The following TONSL variants were observed in gnomAD, a reference collection of about 807,000 sequenced individuals.
TONSL encodes tonsoku-like protein.
In TONSL, 112 loss-of-function variants were observed where a neutral mutation model predicts 147.1. That is an observed-to-expected ratio of 0.76 (90% confidence interval 0.65 to 0.89). The LOEUF is 0.89. TONSL is among the 40% of genes least tolerant of loss of function. The pLI is 0.00. For missense variants in TONSL, 1,883 were observed against 1,864.6 expected (o/e 1.01, Z -0.18); for synonymous variants, 868 against 801.5 (o/e 1.08, Z -1.40).
rs2130848959 is a variant in TONSL, at chr8:144,435,932, TC to T, written c.2500del (p.Asp834ThrfsTer9). 1.3e-6 allele frequency: 2 copies of T among 1,574,022 alleles called. No homozygotes were observed. On this transcript the variant is annotated frameshift_variant, in exon 17 of 26. Coordinates refer to ENST00000409379, the MANE Select transcript of TONSL (RefSeq NM_013432.5). LOFTEE classifies it high-confidence loss of function. ...LIPEEECLAG[D>X]WLELDMPLTR... ...CAGGGGCATGTCCAGCTCCAGCCAG[TC>T]CCCGGCCAGGCACTCCTCCTCCGGG...
chr8:144,438,444 T>C, intron 13 of TONSL, 27 bp downstream of exon 13: 1 of 1,607,470 alleles, frequency 6.2e-7, no homozygotes, highest in East Asian at 2.2e-5. Flanking sequence ...CTAGGCAGCC[T>C]GTCCCACGTC....
At chr8:144,437,655 G>A (rs143982483) in intron 13 of TONSL, 2,709 of 156,168 alleles carry the variant, frequency 0.017, 82 homozygotes, top group African/African-American at 0.061. Context: ...CCAGGCTGGA[G>A]TGCAGCGGCG....
rs912569843 is a variant in TONSL, at chr8:144,441,173, C to T, written c.866-62G>A. The T allele has an allele frequency of 3.1e-6, 5 of 1,588,710 alleles. No homozygotes were observed. In the African/African-American group the frequency reaches 5.4e-5, roughly 17 times the overall value. ...GGGGCCCTGACCCCAGCTCTACCAC[C>T]TGCAAGCTGTGAGCCCTGTGGTGGC... On this transcript the variant is annotated intron_variant, in intron 7 of 25. Transcript: ENST00000409379.
chr8:144,436,214 C>G lies in TONSL; in HGVS notation c.2219G>C (p.Ser740Thr). ...PRRSRHGPAS[S>T]SSSSEGEDSA... is the part of the protein sequence containing the mutation. ...GTCCTCGCCTTCTGAGCTGCTGCTG[C>G]TGCTGGCTGGCCCATGCCTGCTCCT... Residue 740 changes from serine to threonine, a missense_variant, in exon 17 of 26, where the codon AGC becomes ACC. Transcript: ENST00000409379. 1 of 1,565,924 alleles carries G rather than the reference C, an allele frequency of 6.4e-7. No individual in the cohort carries two copies. The highest frequency in any genetic ancestry group is 8.6e-7 in the Non-Finnish European group (1 of 1,158,974).
At position 144,440,405 on chromosome 8, in the gene TONSL, CG is replaced by C; in HGVS notation, c.1235del (p.Pro412ArgfsTer31). 1 of 1,608,014 alleles carries C rather than the reference CG, an allele frequency of 6.2e-7. No homozygotes were observed. On this transcript the variant is annotated frameshift_variant, in exon 10 of 26. Coordinates refer to ENST00000409379, the MANE Select transcript of TONSL (RefSeq NM_013432.5). LOFTEE classifies it high-confidence loss of function. ...EAGDAYELLA[P>X]CFQKALSCAQ... The stretch of plus-strand genomic sequence containing the variant: ...CACAGCTGAGCGCTTTCTGGAAGCA[CG>C]GGGCCAGCAGCTCGTAGGCATCGCC...
chr8:144,441,268 CTGGTCTCAAGGGT>C, intron 7 of TONSL, 157 bp from the exon 8 acceptor site: 1 of 1,119,128 alleles, frequency 8.9e-7, no homozygotes, highest in Non-Finnish European at 1.2e-6. Context: ...ATCTTGGGGA[CTGGTCTCAAGGGT>C]CACAAGAACT....
At chr8:144,441,827 T>A in intron 7 of TONSL, 1 of 535,874 alleles carries the variant, frequency 1.9e-6, no homozygotes, top group Non-Finnish European at 3.3e-6. Flanking sequence ...CCTGACACAC[T>A]GTGTTGAGCT....
intron 11 of TONSL, 48 bp from the exon 12 acceptor site, chr8:144,438,783 G>A: frequency 6.3e-7 from 1 of 1,581,914 alleles, no homozygotes; most frequent in Non-Finnish European, 8.6e-7. Flanking sequence ...GGAGGTGAAG[G>A]TTAGCAGCCC....
chr8:144,444,116 C>T, intron 2 of TONSL, 64 bp downstream of exon 2: 1 of 1,304,216 alleles, frequency 7.7e-7, no homozygotes, highest in Non-Finnish European at 9.7e-7. Flanking sequence ...CGCCCCCCGG[C>T]CCCCGATCCC....
intron 20 of TONSL, 151 bp downstream of exon 20, chr8:144,434,660 C>T: frequency 1.2e-6 from 1 of 814,168 alleles, no homozygotes; most frequent in Admixed American, 2.9e-5. Flanking sequence ...CTTCCACCCA[C>T]ACATCCAAGT....
Position 144,442,670 on chromosome 8 carries a change from G to A in TONSL, c.578+7C>T, listed in dbSNP as rs767086346. On this transcript the variant is annotated splice_region_variant and intron_variant, in intron 5 of 25. Transcript: ENST00000409379. ...CCACTCCCTCCTGGGGCGGGGCAGG[G>A]CCTTACTCCGCAAGGAAGATGCTCT... The A allele has an allele frequency of 6.2e-7, 1 of 1,611,896 alleles. No individual in the cohort carries two copies. Among genetic ancestry groups the A allele is most frequent in the Non-Finnish European group, 8.5e-7 (1 of 1,179,464 alleles).
chr8:144,441,295 A>G, intron 7 of TONSL, 184 bp from the exon 8 acceptor site: 1 of 847,798 alleles, frequency 1.2e-6, no homozygotes, highest in South Asian at 1.8e-5. Flanking sequence ...AAGAACTAAC[A>G]CACTTAAAAA....
rs1823650442 is a variant in TONSL, at chr8:144,440,109, A to G, written c.1392T>C (p.Asp464=). 1 of 1,611,412 alleles carries G rather than the reference A, an allele frequency of 6.2e-7. No individual in the cohort carries two copies. The highest frequency in any genetic ancestry group is 8.5e-7 in the Non-Finnish European group (1 of 1,179,348). The change falls in exon 11 of 26, where the codon GAT becomes GAC. Residue 464 remains aspartate (D), a synonymous_variant. Transcript: ENST00000409379. ...CCTCCGCCTCCTCCTCCTCATCTTC[A>G]TCTTCAGCTACACTGAGCTCCCGTA... The part of the protein sequence containing the change: ...TRLRELSVAE[D]EDEEEEAEEA...
chr8:144,434,119 C>G lies in TONSL; in HGVS notation c.3246G>C (p.Leu1082=). The G allele has an allele frequency of 6.2e-7, 1 of 1,612,240 alleles. No homozygotes were observed. ...LRELRLAGNR[L]GDKCVAELVA... is the part of the protein sequence containing the mutation. Reference sequence around the variant, plus strand: ...CCAGCTCAGCCACACACTTGTCCCCCAGCCGGTTCCCTGCCAGGCGCAGCT... The same window carrying G: ...CCAGCTCAGCCACACACTTGTCCCCGAGCCGGTTCCCTGCCAGGCGCAGCT... Residue 1082 remains leucine (L), a synonymous_variant, in exon 21 of 26, where the codon CTG becomes CTC. Coordinates refer to ENST00000409379, the MANE Select transcript of TONSL (RefSeq NM_013432.5).
Position 144,435,915 on chromosome 8 carries a change from T to C in TONSL, c.2518A>G (p.Met840Val), listed in dbSNP as rs917609721. Reference sequence around the variant, plus strand: ...GGCCGGCGGCTGCGGGTCAGGGGCATGTCCAGCTCCAGCCAGTCCCCGGCC... The same window carrying C: ...GGCCGGCGGCTGCGGGTCAGGGGCACGTCCAGCTCCAGCCAGTCCCCGGCC... Reference protein sequence around the residue: ...CLAGDWLELDMPLTRSRRPRP... With the variant: ...CLAGDWLELDVPLTRSRRPRP... The change falls in exon 17 of 26, where the codon ATG (methionine) becomes GTG (valine). Residue 840 changes from methionine to valine, a missense_variant. Coordinates refer to ENST00000409379, the MANE Select transcript of TONSL (RefSeq NM_013432.5). The C allele has an allele frequency of 8.2e-6, 13 of 1,585,670 alleles. No homozygotes were observed. The highest frequency in any genetic ancestry group is 5.1e-5 in the Admixed American group (3 of 58,720).
In TONSL at chr8:144,428,936, T is replaced by TGC. The variant is rs1823036414; in HGVS notation, c.*206_*207insGC. ...TCCGGAGTAGCTGGGACTACAGGCT[T>TGC]CCACCACCACGCCCGGCTAATTTTT... On this transcript the variant is annotated 3_prime_UTR_variant, in exon 26 of 26. Transcript: ENST00000409379. 1 of 525,394 alleles carries TGC rather than the reference T, an allele frequency of 1.9e-6. No individual in the cohort carries two copies. The highest frequency in any genetic ancestry group is 2.0e-5 in the African/African-American group (1 of 49,582). The allele number at this position is 525,394 out of a possible 1,614,324, so 32.5% of individuals were successfully genotyped here.
At chr8:144,430,583 C>CTG in intron 24 of TONSL, 46 bp from the exon 25 acceptor site, 1 of 1,566,648 alleles carries the variant, frequency 6.4e-7, no homozygotes, top group Non-Finnish European at 8.7e-7. Context: ...TCCAGAGAGG[C>CTG]TGTGCCCCAA....
chr8:144,430,312 A>T, intron 25 of TONSL, 92 bp downstream of exon 25: 1 of 1,378,218 alleles, frequency 7.3e-7, no homozygotes, highest in Non-Finnish European at 9.5e-7. Flanking sequence ...GGCTGGTAGC[A>T]GTGACAGCCC....
chr8:144,430,365 G>GCC, intron 25 of TONSL, 39 bp downstream of exon 25: 2 of 1,529,904 alleles, frequency 1.3e-6, no homozygotes, highest in Non-Finnish European at 1.8e-6. Context: ...CCCTGAAAAG[G>GCC]CCGAACATGG....
Sources: allele counts gnomAD v4.1 joint callset, GRCh38; gene constraint gnomAD v4.1.1; transcripts MANE v1.5; gene names NCBI Gene and HGNC (gene_info 2026-07-23, HGNC 2026-07-21).